The following CRPPA variants were observed in gnomAD, a reference collection of about 807,000 sequenced individuals.
CRPPA encodes the protein CDP-L-ribitol pyrophosphorylase A, also known as D-ribitol-5-phosphate cytidylyltransferase.
CRPPA carries 43 observed loss-of-function variants against 52.0 expected under a neutral mutation model. The ratio of observed to expected loss-of-function variants is 0.83; its 90% CI spans 0.65 to 1.07. CRPPA has a LOEUF of 1.07. Among genes scored for constraint, CRPPA ranks in the 50% least tolerant of loss-of-function variants. The probability of loss-of-function intolerance (pLI) is 0.00; values close to 1 mark genes in which losing one functional copy is unlikely to be tolerated. For missense variants in CRPPA, 629 were observed against 551.7 expected (o/e 1.14, Z -1.40); for synonymous variants, 250 against 203.5 (o/e 1.23, Z -1.94).
At chr7:16,139,205 A>G (rs190671901) in intron 9 of CRPPA, among the ~76,000 whole-genome samples, 5 of 152,324 alleles carry the variant, frequency 3.3e-5, no homozygotes, top group Non-Finnish European at 7.4e-5. Flanking sequence ...CGAGGTGGAA[A>G]CAGTAGTCTA....
At position 16,091,523 on chromosome 7, in the gene CRPPA, T is replaced by A; in HGVS notation, c.*172A>T. On this transcript the variant is annotated 3_prime_UTR_variant, in exon 10 of 10. Transcript: ENST00000407010. ...TGTCATACACAAAAGTATTCTTTAT[T>A]TCACAGATATAAACATTAATCTGCT... 4.0e-6 allele frequency: 2 copies of A among 501,256 alleles called. No homozygotes were observed. The highest frequency in any genetic ancestry group is 6.9e-6 in the Non-Finnish European group (2 of 289,878). The allele number at this position is 501,256 out of a possible 1,614,324, so 31.1% of individuals were successfully genotyped here.
At chr7:16,394,827 A>G (rs1241091928) in intron 2 of CRPPA, among the ~76,000 whole-genome samples, 2 of 152,202 alleles carry the variant, frequency 1.3e-5, no homozygotes, top group East Asian at 1.9e-4. Context: ...CTAAAGGCCC[A>G]TGAAAAGAGA....
chr7:16,223,459 A>G (rs1251280284), intron 8 of CRPPA, among the ~76,000 whole-genome samples: 6 of 152,224 alleles, frequency 3.9e-5, no homozygotes, highest in Admixed American at 1.3e-4. Flanking sequence ...AATTAGGTTA[A>G]CAAAATTCAA....
chr7:16,322,848 T>C (rs1393400468), intron 3 of CRPPA, among the ~76,000 whole-genome samples: 1 of 152,184 alleles, frequency 6.6e-6, no homozygotes, highest in Admixed American at 6.5e-5. Flanking sequence ...AAAAGACGTT[T>C]AATTGACTCA....
chr7:16,402,955 G>A (rs573715719), intron 2 of CRPPA, among the ~76,000 whole-genome samples: 1 of 151,704 alleles, frequency 6.6e-6, no homozygotes. Context: ...CCAAAGCAAG[G>A]GAAAAAGTCT....
chr7:16,267,865 T>A (rs982685680), intron 6 of CRPPA, among the ~76,000 whole-genome samples: 1 of 152,132 alleles, frequency 6.6e-6, no homozygotes, highest in Non-Finnish European at 1.5e-5. Context: ...TTTATAAAAA[T>A]ACAGTGTAAC....
intron 8 of CRPPA, among the ~76,000 whole-genome samples, chr7:16,241,323 T>C (rs1016298227): frequency 2.0e-5 from 3 of 152,218 alleles, no homozygotes; most frequent in Non-Finnish European, 4.4e-5. Context: ...TTGAAGGTTA[T>C]GTTTCTCACA....
At position 16,406,048 on chromosome 7, in the gene CRPPA, A is replaced by T. The variant is rs6461252; in HGVS notation, c.534+13T>A. ...CTTGTCCCTTCTATCTAGACTCAAG[A>T]AAAAAGACTTACCCCGTGTTCCTTA... On this transcript the variant is annotated intron_variant, in intron 2 of 9. Coordinates refer to ENST00000407010, the MANE Select transcript of CRPPA (RefSeq NM_001101426.4). 686,526 of 1,606,504 alleles carry T rather than the reference A, an allele frequency of 0.43. 150,788 individuals are homozygous for T. The highest frequency in any genetic ancestry group is 0.64 in the African/African-American group (47,552 of 74,856).
At chr7:16,333,847 A>G (rs752067562) in intron 3 of CRPPA, among the ~76,000 whole-genome samples, 12 of 152,142 alleles carry the variant, frequency 7.9e-5, no homozygotes, top group Admixed American at 7.9e-4. Context: ...AAAAATGAGA[A>G]AAGTCACAAT....
intron 3 of CRPPA, among the ~76,000 whole-genome samples, chr7:16,358,270 C>G (rs1049949223): frequency 2.0e-5 from 3 of 152,134 alleles, no homozygotes; most frequent in African/African-American, 7.2e-5. Flanking sequence ...CCTCCTCCCA[C>G]AGCATCCCTT....
At chr7:16,397,866 C>T (rs913550198) in intron 2 of CRPPA, among the ~76,000 whole-genome samples, 5 of 152,328 alleles carry the variant, frequency 3.3e-5, no homozygotes, top group African/African-American at 7.2e-5. Context: ...GTGATCAACA[C>T]GTGTGTAACA....
intron 9 of CRPPA, among the ~76,000 whole-genome samples, chr7:16,184,254 T>C (rs780769059): frequency 1.1e-4 from 17 of 152,164 alleles, no homozygotes; most frequent in Non-Finnish European, 2.1e-4. Context: ...TATTTCTTCA[T>C]AGCAGTATGA....
At chr7:16,221,342 C>G (rs1259467662) in intron 8 of CRPPA, among the ~76,000 whole-genome samples, 2 of 152,100 alleles carry the variant, frequency 1.3e-5, no homozygotes, top group African/African-American at 4.8e-5. Context: ...CATAAAAACC[C>G]TAGAAGAAAA....
intron 3 of CRPPA, among the ~76,000 whole-genome samples, chr7:16,335,413 G>T (rs1785656970): frequency 6.6e-6 from 1 of 152,126 alleles, no homozygotes; most frequent in Non-Finnish European, 1.5e-5. Flanking sequence ...ATTTACTAAA[G>T]TGTGGGAAAT....
At chr7:16,336,071 CAG>C (rs1172770681) in intron 3 of CRPPA, among the ~76,000 whole-genome samples, 3 of 152,078 alleles carry the variant, frequency 2.0e-5, no homozygotes, top group African/African-American at 4.8e-5. Flanking sequence ...AATAAAAGCT[CAG>C]AGAGTTTGTT....
Position 16,421,110 on chromosome 7 carries a change from G to A in CRPPA, c.213C>T (p.Ile71=), listed in dbSNP as rs1788324521. Residue 71 remains isoleucine (I), a synonymous_variant, in exon 1 of 10, where the codon ATC becomes ATT. Coordinates refer to ENST00000407010, the MANE Select transcript of CRPPA (RefSeq NM_001101426.4). The stretch of plus-strand genomic sequence containing the variant: ...TGTAGCTGATGAGCGGCCTCTCCAG[G>A]ATGGGGCAGAATTGCTTCGGGGTGG... ...GVPTPKQFCP[I]LERPLISYTL... is the part of the protein sequence containing the mutation. The A allele has an allele frequency of 1.5e-6, 2 of 1,314,132 alleles. No homozygotes were observed. Among genetic ancestry groups the A allele is most frequent in the Non-Finnish European group, 9.8e-7 (1 of 1,024,942 alleles). 81.4% of individuals were successfully genotyped at this position (1,314,132 alleles called of 1,614,324 possible).
chr7:16,310,888 T>G (rs944172374), intron 3 of CRPPA, among the ~76,000 whole-genome samples: 16 of 152,148 alleles, frequency 1.1e-4, no homozygotes, highest in African/African-American at 3.9e-4. Flanking sequence ...ATCACAATTC[T>G]TGGGGTAATG....
At chr7:16,119,988 G>A (rs182695528) in intron 9 of CRPPA, among the ~76,000 whole-genome samples, 1 of 152,142 alleles carries the variant, frequency 6.6e-6, no homozygotes, top group Non-Finnish European at 1.5e-5. Context: ...CAGCATTTAG[G>A]AATCTAGTGG....
chr7:16,258,855 C>A (rs938401166), intron 7 of CRPPA, 65 bp downstream of exon 7: 13 of 937,514 alleles, frequency 1.4e-5, no homozygotes, highest in Non-Finnish European at 1.9e-5. Context: ...ATTTAAGAAT[C>A]AAATTAGTTC....
Sources: allele counts gnomAD v4.1 joint callset (sites outside exome capture counted in the v4.1 genomes callset), GRCh38; gene constraint gnomAD v4.1.1; transcripts MANE v1.5; gene names NCBI Gene and HGNC (gene_info 2026-07-23, HGNC 2026-07-21).